RSPO2: variants seen among roughly 807,000 people sequenced by gnomAD.
RSPO2 encodes the protein R-spondin 2.
In RSPO2, 14 loss-of-function variants were observed where a neutral mutation model predicts 30.9. That is an observed-to-expected ratio of 0.45 (90% CI 0.30 to 0.71). RSPO2 has a LOEUF of 0.71. Among genes scored for constraint, RSPO2 ranks in the 30% least tolerant of loss-of-function variants. The pLI is 0.08. For missense variants in RSPO2, 264 were observed against 301.9 expected (o/e 0.87, Z 0.93); for synonymous variants, 107 against 96.4 (o/e 1.11, Z -0.64).
chr8:108,052,440 T>G (rs976771375), intron 2 of RSPO2, among the ~76,000 whole-genome samples: 2 of 152,244 alleles, frequency 1.3e-5, no homozygotes, highest in Non-Finnish European at 2.9e-5. Flanking sequence ...TTGATAAAAT[T>G]GTACCTTTTC....
intron 2 of RSPO2, among the ~76,000 whole-genome samples, chr8:108,001,574 C>T (rs984340031): frequency 6.6e-6 from 1 of 152,154 alleles, no homozygotes; most frequent in South Asian, 2.1e-4. Context: ...ACCAGAATCA[C>T]GAGCTCCTCA....
intron 2 of RSPO2, among the ~76,000 whole-genome samples, chr8:108,006,199 A>C (rs1815446480): frequency 1.3e-5 from 2 of 152,192 alleles, no homozygotes; most frequent in Admixed American, 1.3e-4. Flanking sequence ...ACATAATCCC[A>C]AAGGGGAAAA....
At chr8:107,978,851 C>T (rs1814313402) in intron 3 of RSPO2, among the ~76,000 whole-genome samples, 1 of 152,060 alleles carries the variant, frequency 6.6e-6, no homozygotes, top group South Asian at 2.1e-4. Flanking sequence ...ACAAACAACC[C>T]CATCAAAAAG....
At chr8:108,019,552 A>C (rs1023792611) in intron 2 of RSPO2, among the ~76,000 whole-genome samples, 2 of 152,092 alleles carry the variant, frequency 1.3e-5, no homozygotes, top group African/African-American at 4.8e-5. Context: ...GCCAATTCTC[A>C]GTCACATGTT....
intron 5 of RSPO2, among the ~76,000 whole-genome samples, chr8:107,924,585 C>G (rs1225306222): frequency 6.6e-6 from 1 of 151,886 alleles, no homozygotes; most frequent in Admixed American, 6.6e-5. Context: ...GAACCTTGTT[C>G]TACCAAATTT....
At chr8:108,003,390 C>CT (rs1815347329) in intron 2 of RSPO2, among the ~76,000 whole-genome samples, 1 of 142,288 alleles carries the variant, frequency 7.0e-6, no homozygotes, top group Admixed American at 7.5e-5. Context: ...AACTCCTGGC[C>CT]TTGGGTAATC....
intron 2 of RSPO2, among the ~76,000 whole-genome samples, chr8:108,066,445 C>T (rs1812669206): frequency 7.3e-6 from 1 of 136,228 alleles, no homozygotes; most frequent in African/African-American, 3.1e-5. Context: ...CAAAAACCAA[C>T]AAGTCTTTTT....
intron 5 of RSPO2, among the ~76,000 whole-genome samples, chr8:107,938,906 G>A (rs1174335440): frequency 1.3e-5 from 2 of 152,102 alleles, no homozygotes; most frequent in South Asian, 2.1e-4. Flanking sequence ...TTGCCATAGC[G>A]CAGGCTAACT....
In RSPO2 at chr8:108,033,049, CAAAAAAAAAAAAAAAAA is replaced by C. The variant is rs35774922; in HGVS notation, c.95-43822_95-43806del. Among the ~76,000 whole-genome samples the C allele has an allele frequency of 8.7e-5, 6 of 68,754 alleles. No individual in the cohort carries two copies. The East Asian group carries it at 4.1e-3, about 47-fold the overall frequency. The allele number at this position is 68,754 out of a possible 152,430, so 45.1% of individuals were successfully genotyped here. Reference sequence around the variant, plus strand: ...TGGGTGACAGAGCAAGACTCTGTCTCAAAAAAAAAAAAAAAAAAAAAAAAAAAAATTTGTAGATACGG... The same window carrying C: ...TGGGTGACAGAGCAAGACTCTGTCTCAAAAAAAAAAAATTTGTAGATACGG... On this transcript the variant is annotated intron_variant, in intron 2 of 5. Coordinates refer to ENST00000276659, the MANE Select transcript of RSPO2 (RefSeq NM_178565.5).
intron 2 of RSPO2, among the ~76,000 whole-genome samples, chr8:108,001,491 GA>G (rs962557105): frequency 4.3e-4 from 65 of 152,058 alleles, no homozygotes; most frequent in African/African-American, 1.5e-3. Flanking sequence ...CACAGGTAAT[GA>G]AAAAAAGTGT....
chr8:107,903,203 G>T (rs1811533017), intron 5 of RSPO2, among the ~76,000 whole-genome samples: 1 of 151,898 alleles, frequency 6.6e-6, no homozygotes, highest in South Asian at 2.1e-4. Context: ...AATTCATTTG[G>T]TTTATGTTTA....
chr8:107,993,274 GC>G (rs1814911237), intron 2 of RSPO2, among the ~76,000 whole-genome samples: 1 of 152,056 alleles, frequency 6.6e-6, no homozygotes. Context: ...ACCAGTGACA[GC>G]TACAAAAGAT....
chr8:108,048,089 A>G (rs1401313498), intron 2 of RSPO2, among the ~76,000 whole-genome samples: 1 of 152,100 alleles, frequency 6.6e-6, no homozygotes, highest in Non-Finnish European at 1.5e-5. Context: ...CCTCACAATT[A>G]TCCTAAGGAG....
At position 107,901,102 on chromosome 8, in the gene RSPO2, G is replaced by C; in HGVS notation, c.705C>G (p.Phe235Leu). 1 of 1,614,112 alleles carries C rather than the reference G, an allele frequency of 6.2e-7. No homozygotes were observed. The highest frequency in any genetic ancestry group is 8.5e-7 in the Non-Finnish European group (1 of 1,180,014). ...ATTGGTTAGCTCTGTCTGTAGCTAG[G>C]AAGACGCTGTGTTGCTCCTGGGCCC... ...IERAQEQHSV[F>L]LATDRANQ Residue 235 changes from phenylalanine to leucine, a missense_variant, in exon 6 of 6, where the codon TTC (phenylalanine) becomes TTG (leucine). Transcript: ENST00000276659.
chr8:107,981,528 A>G (rs1342726469), intron 3 of RSPO2, among the ~76,000 whole-genome samples: 1 of 149,486 alleles, frequency 6.7e-6, no homozygotes, highest in Non-Finnish European at 1.5e-5. Flanking sequence ...CAGAAAAAAG[A>G]AAGAAAGAAA....
At chr8:107,980,760 G>C (rs1483173568) in intron 3 of RSPO2, among the ~76,000 whole-genome samples, 1 of 152,104 alleles carries the variant, frequency 6.6e-6, no homozygotes, top group African/African-American at 2.4e-5. Flanking sequence ...GGAAGGGAAG[G>C]ATACACCTGA....
Position 108,061,153 on chromosome 8 carries a change from C to G in RSPO2, c.94+21392G>C, listed in dbSNP as rs567694923. 4.3e-4 allele frequency among the ~76,000 whole-genome samples: 66 copies of G among 151,902 alleles called. 1 individual carries two copies. Among genetic ancestry groups the G allele is most frequent in the African/African-American group, 1.6e-3 (65 of 41,184 alleles). The stretch of plus-strand genomic sequence containing the variant: ...AACAAGCAAAATAACCAGCTAACAT[C>G]ATAATGACAGGATCAAATTCACACA... On this transcript the variant is annotated intron_variant, in intron 2 of 5. Coordinates refer to ENST00000276659, the MANE Select transcript of RSPO2 (RefSeq NM_178565.5).
chr8:107,931,334 C>T (rs111820939), intron 5 of RSPO2, among the ~76,000 whole-genome samples: 2,193 of 152,160 alleles, frequency 0.014, 59 homozygotes, highest in African/African-American at 0.05. Context: ...TTTGGCTCCA[C>T]GATAGCCAAA....
At position 107,983,012 on chromosome 8, in the gene RSPO2, G is replaced by C. The variant is rs570716431; in HGVS notation, c.283+6044C>G. On this transcript the variant is annotated intron_variant, in intron 3 of 5. Transcript: ENST00000276659. ...CTACGACTGGCTCCTGGGGTGCAGAGAGGGGCCACAGTCTCTGCGGCTGTG... is the reference window on the plus strand; with the variant it reads ...CTACGACTGGCTCCTGGGGTGCAGACAGGGGCCACAGTCTCTGCGGCTGTG... 618 of 752,228 alleles carry C rather than the reference G, an allele frequency of 8.2e-4. 4 individuals are homozygous for C. The highest frequency in any genetic ancestry group is 7.2e-5 in the Non-Finnish European group (35 of 487,022). 46.6% of individuals were successfully genotyped at this position (752,228 alleles called of 1,614,324 possible).
Sources: gnomAD v4.1 joint callset for allele counts (sites outside exome capture counted in the v4.1 genomes callset) on GRCh38, gnomAD v4.1.1 for gene constraint, MANE v1.5 for transcripts, NCBI Gene and HGNC (gene_info 2026-07-23, HGNC 2026-07-21) for gene names.